Variants in RAP1GAP2 observed in about 807,000 individuals in gnomAD.
RAP1GAP2 encodes the protein RAP1 GTPase activating protein 2.
Under a neutral mutation model 95.0 loss-of-function variants are expected in RAP1GAP2, and 27 were observed. The observed-to-expected ratio is 0.28, with a 90% CI of 0.21 to 0.39. The LOEUF (loss-of-function observed/expected upper bound fraction) is 0.39, where lower values mean the gene tolerates loss of function less well. RAP1GAP2 is among the 10% of genes least tolerant of loss of function. The pLI is 1.00. For synonymous variants in RAP1GAP2, 373 were observed against 380.9 expected (o/e 0.98, Z 0.24); for missense variants, 771 against 970.0 (o/e 0.79, Z 2.72).
rs1294748936 is a variant in RAP1GAP2, at chr17:2,902,801, G to A, written c.81-2483G>A. Among the ~76,000 whole-genome samples the A allele has an allele frequency of 6.6e-6, 1 of 152,060 alleles. No individual in the cohort carries two copies. Among genetic ancestry groups the A allele is most frequent in the African/African-American group, 2.4e-5 (1 of 41,458 alleles). On this transcript the variant is annotated intron_variant, in intron 2 of 24. Transcript: ENST00000254695. This position sits in a 1 kb window ranked among gnomAD's most constrained non-coding sequence, Gnocchi z 4.1. ...GCCCCAGGAGCTTATCCAGCATCCA[G>A]GGGGAAAAGGCAGGGGAGAGGGGCT...
rs2047429824 is a variant in RAP1GAP2 at position 3,034,853 on chromosome 17, G to C, written c.*1492G>C. 3 of 152,322 alleles carry C rather than the reference G, an allele frequency of 2.0e-5. No individual in the cohort carries two copies. The highest frequency in any genetic ancestry group is 1.3e-4 in the Admixed American group (2 of 15,290). 9.4% of individuals were successfully genotyped at this position (152,322 alleles called of 1,614,324 possible). ...CAACGAGCCTGAAGAGCCCCTTTCA[G>C]TGCAGACGGGGCTGCAGAGTGACAC... On this transcript the variant is annotated 3_prime_UTR_variant, in exon 25 of 25. Transcript: ENST00000254695. This position sits in a 1 kb window ranked among gnomAD's most constrained non-coding sequence, Gnocchi z 5.1.
chr17:2,966,710 G>C (rs953792952), intron 8 of RAP1GAP2, among the ~76,000 whole-genome samples: 1 of 152,154 alleles, frequency 6.6e-6, no homozygotes, highest in Admixed American at 6.5e-5. Context: ...AGGCATAGAA[G>C]AGTCAATTAA....
intron 2 of RAP1GAP2, among the ~76,000 whole-genome samples, chr17:2,898,484 C>T (rs968927523): frequency 3.0e-4 from 45 of 152,360 alleles, no homozygotes; most frequent in Middle Eastern, 3.4e-3. Flanking sequence ...CCAGCACAGG[C>T]ATGAGGGTCA....
intron 2 of RAP1GAP2, among the ~76,000 whole-genome samples, chr17:2,869,532 G>A (rs2151636637): frequency 6.6e-6 from 1 of 152,276 alleles, no homozygotes; most frequent in Admixed American, 6.5e-5. Flanking sequence ...GGGCTGGCTG[G>A]TGGTTCTCGC....
chr17:2,999,080 G>A (rs1281730995), intron 14 of RAP1GAP2, among the ~76,000 whole-genome samples: 1 of 152,150 alleles, frequency 6.6e-6, no homozygotes, highest in African/African-American at 2.4e-5. Context: ...CAAGCACCTG[G>A]GTCTGAACCT....
chr17:2,870,824 T>A lies in RAP1GAP2; in HGVS notation c.81-34460T>A, dbSNP rs1188920071. 6.6e-6 allele frequency among the ~76,000 whole-genome samples: 1 copy of A among 152,206 alleles called. No homozygotes were observed. The highest frequency in any genetic ancestry group is 2.4e-5 in the African/African-American group (1 of 41,458). On this transcript the variant is annotated intron_variant, in intron 2 of 24. Coordinates refer to ENST00000254695, the MANE Select transcript of RAP1GAP2 (RefSeq NM_015085.5). The surrounding 1 kb of genome is among the most constrained non-coding windows in gnomAD (Gnocchi z 4.4). ...TCAGAAACAGCTGGATCCAGGGGCA[T>A]TGGCAGAACTCCTCTCTGTCTCGTC...
intron 2 of RAP1GAP2, among the ~76,000 whole-genome samples, chr17:2,872,033 A>G (rs553931812): frequency 6.6e-6 from 1 of 151,894 alleles, no homozygotes; most frequent in Non-Finnish European, 1.5e-5. Context: ...AGACCAGACT[A>G]GCCAACATGG....
At chr17:2,918,951 T>C (rs942373306) in intron 3 of RAP1GAP2, among the ~76,000 whole-genome samples, 1 of 152,188 alleles carries the variant, frequency 6.6e-6, no homozygotes, top group Non-Finnish European at 1.5e-5. Flanking sequence ...CAAAAAACTT[T>C]GTTTCTGAAA....
intron 8 of RAP1GAP2, among the ~76,000 whole-genome samples, chr17:2,979,570 G>A (rs1010719855): frequency 4.7e-5 from 7 of 147,442 alleles, no homozygotes; most frequent in South Asian, 4.3e-4. Context: ...GGGTTCAAGC[G>A]ATTCTCCTGC....
At chr17:2,922,215 C>T (rs181186053) in intron 3 of RAP1GAP2, among the ~76,000 whole-genome samples, 5 of 152,286 alleles carry the variant, frequency 3.3e-5, no homozygotes, top group African/African-American at 7.2e-5. Context: ...GGGAGGAAGG[C>T]GGAAGGACAG....
chr17:2,817,664 G>C lies in RAP1GAP2; in HGVS notation c.80+17114G>C, dbSNP rs1403252900. Among the ~76,000 whole-genome samples, 87 of 116,856 alleles carry C rather than the reference G, an allele frequency of 7.4e-4. 14 individuals are homozygous for C. The highest frequency in any genetic ancestry group is 2.4e-3 in the African/African-American group (83 of 35,122). 76.7% of individuals were successfully genotyped at this position (116,856 alleles called of 152,430 possible). A position where few individuals can be genotyped will look rare whatever the true frequency, so the allele number is the denominator to read the frequency against. On this transcript the variant is annotated intron_variant, in intron 2 of 24. Coordinates refer to ENST00000254695, the MANE Select transcript of RAP1GAP2 (RefSeq NM_015085.5). ...GCCTCCCAAGTAGCTGGGATCACAG[G>C]CGCCTGCCACCACACACGGCTAAAT...
intron 19 of RAP1GAP2, among the ~76,000 whole-genome samples, chr17:3,022,977 G>A (rs1411597269): frequency 1.3e-5 from 2 of 152,210 alleles, no homozygotes; most frequent in Admixed American, 6.5e-5. Flanking sequence ...ACCACTTACT[G>A]AAGAATGTAT....
chr17:2,886,171 A>ATT (rs564574824), intron 2 of RAP1GAP2, among the ~76,000 whole-genome samples: 31 of 123,350 alleles, frequency 2.5e-4, no homozygotes, highest in South Asian at 5.5e-4. Context: ...GTATATATAT[A>ATT]TTTTTTTTTT....
At chr17:2,972,973 C>T (rs917184638) in intron 8 of RAP1GAP2, among the ~76,000 whole-genome samples, 3 of 152,156 alleles carry the variant, frequency 2.0e-5, no homozygotes, top group African/African-American at 7.2e-5. Context: ...CGGTCTTACT[C>T]ATCATCTTCT....
intron 1 of RAP1GAP2, among the ~76,000 whole-genome samples, chr17:2,786,664 C>T (rs1334316320): frequency 6.7e-6 from 1 of 148,944 alleles, no homozygotes; most frequent in East Asian, 2.0e-4. Context: ...TAATGTTTTG[C>T]GATGGAGTCT....
chr17:2,780,789 A>G (rs1193040495), intron 1 of RAP1GAP2, among the ~76,000 whole-genome samples: 1 of 152,246 alleles, frequency 6.6e-6, no homozygotes, highest in Non-Finnish European at 1.5e-5. Context: ...AAATAAAGCA[A>G]TGATACTAGC....
rs1555575129 is a variant in RAP1GAP2, at chr17:2,950,061, C to CTTCTTCTTCT, written c.166-7696_166-7695insCTTCTTCTTT. 5.0e-5 allele frequency among the ~76,000 whole-genome samples: 7 copies of CTTCTTCTTCT among 141,296 alleles called. No homozygotes were observed. The East Asian group carries it at 1.0e-3, about 21-fold the overall frequency. The allele number at this position is 141,296 out of a possible 152,430, so 92.7% of individuals were successfully genotyped here. A position where few individuals can be genotyped will look rare whatever the true frequency, so the allele number is the denominator to read the frequency against. On this transcript the variant is annotated intron_variant, in intron 3 of 24. Transcript: ENST00000254695. ...TTCTTTTCTTCTTCTTCTTCTTCTT[C>CTTCTTCTTCT]TTTTTTTTTTGAGATGGAGTCTTGC... is the stretch of plus-strand genomic sequence containing the variant.
At chr17:2,880,019 G>A (rs536803961) in intron 2 of RAP1GAP2, among the ~76,000 whole-genome samples, 3 of 152,192 alleles carry the variant, frequency 2.0e-5, no homozygotes, top group South Asian at 4.2e-4. Context: ...GGAGCTCACC[G>A]TCCAGCGGGA....
intron 2 of RAP1GAP2, among the ~76,000 whole-genome samples, chr17:2,844,153 T>TA (rs2071483574): frequency 6.6e-6 from 1 of 152,002 alleles, no homozygotes; most frequent in Non-Finnish European, 1.5e-5. Context: ...CCGGAGTAGC[T>TA]GGGACTACAG....
Sources: allele counts gnomAD v4.1 joint callset (sites outside exome capture counted in the v4.1 genomes callset), GRCh38; gene constraint gnomAD v4.1.1; non-coding constraint Gnocchi (gnomAD v3.1); transcripts MANE v1.5; gene names NCBI Gene and HGNC (gene_info 2026-07-23, HGNC 2026-07-21).